The following PPP4R2 variants were observed in gnomAD, a reference collection of about 807,000 sequenced individuals.
PPP4R2 encodes serine/threonine-protein phosphatase 4 regulatory subunit 2.
Under a neutral mutation model 47.2 loss-of-function variants are expected in PPP4R2, and 13 were observed. The ratio of observed to expected loss-of-function variants is 0.28; its 90% confidence interval spans 0.18 to 0.44. The LOEUF (loss-of-function observed/expected upper bound fraction) is 0.44. Ranked by LOEUF, PPP4R2 falls within the 20% of genes least tolerant of loss-of-function variation. PPP4R2 has a pLI of 1.00. For missense variants in PPP4R2, 421 were observed against 491.2 expected (o/e 0.86, Z 1.35); for synonymous variants, 151 against 163.3 (o/e 0.92, Z 0.57).
intron 2 of PPP4R2, among the ~76,000 whole-genome samples, chr3:73,033,571 A>G (rs1355222497): frequency 1.3e-5 from 2 of 152,224 alleles, no homozygotes; most frequent in Non-Finnish European, 2.9e-5. Context: ...CCGTTGCTAA[A>G]TGTACAGTTC....
chr3:72,999,508 T>A (rs1015130322), intron 2 of PPP4R2, among the ~76,000 whole-genome samples: 2 of 152,242 alleles, frequency 1.3e-5, no homozygotes, highest in South Asian at 2.1e-4. Context: ...TTTTTTGATA[T>A]ACAAGATGAT....
chr3:73,046,188 C>T lies in PPP4R2; in HGVS notation c.117-998C>T, dbSNP rs574678782. On this transcript the variant is annotated intron_variant, in intron 2 of 8. Transcript: ENST00000356692. ...CAGTTTTATCCACCTTGCTTTTATA[C>T]CATCAGTGCACACATTAACAGTGAA... Among the ~76,000 whole-genome samples the T allele has an allele frequency of 5.9e-5, 9 of 152,300 alleles. 1 individual carries two copies. Among genetic ancestry groups the T allele is most frequent in the African/African-American group, 2.2e-4 (9 of 41,558 alleles).
intron 2 of PPP4R2, among the ~76,000 whole-genome samples, chr3:73,020,139 A>C (rs954674364): frequency 3.9e-5 from 6 of 152,286 alleles, no homozygotes; most frequent in Non-Finnish European, 7.3e-5. Flanking sequence ...GCAGTCTAAG[A>C]TAAGTGTGCC....
rs192539214 is a variant in PPP4R2 at position 73,006,345 on chromosome 3, C to T, written c.116+8187C>T. Among the ~76,000 whole-genome samples the T allele has an allele frequency of 2.8e-3, 432 of 151,804 alleles. 10 individuals carry two copies. Among genetic ancestry groups the T allele is most frequent in the Non-Finnish European group, 7.1e-4 (48 of 67,948 alleles). ...TCCCTGGTAGCTGGGGCCACAGGCG[C>T]GCGCCACCATGCCTGGCTAGTTTTT... On this transcript the variant is annotated intron_variant, in intron 2 of 8. Coordinates refer to ENST00000356692, the MANE Select transcript of PPP4R2 (RefSeq NM_174907.4).
rs1238442322 is a variant in PPP4R2, at chr3:73,016,734, TTTTTATTA to T, written c.116+18581_116+18588del. Among the ~76,000 whole-genome samples the T allele has an allele frequency of 7.3e-4, 95 of 129,694 alleles. 12 individuals are homozygous for T. Among genetic ancestry groups the T allele is most frequent in the African/African-American group, 2.7e-3 (94 of 34,624 alleles). 85.1% of individuals were successfully genotyped at this position (129,694 alleles called of 152,430 possible). Reference sequence around the variant, plus strand: ...ACTAGCTTTATTGGTTCATTGTTTATTTTTATTATTTTTTTTTTTTAATACAGAGTCTC... The same window carrying T: ...ACTAGCTTTATTGGTTCATTGTTTATTTTTTTTTTTTTAATACAGAGTCTC... On this transcript the variant is annotated intron_variant, in intron 2 of 8. Coordinates refer to ENST00000356692, the MANE Select transcript of PPP4R2 (RefSeq NM_174907.4).
chr3:73,062,344 T>C (rs1053511673), intron 5 of PPP4R2: 2 of 1,607,342 alleles, frequency 1.2e-6, no homozygotes, highest in Non-Finnish European at 1.7e-6. Flanking sequence ...CAGTATCCAC[T>C]GGATGCATTG....
intron 2 of PPP4R2, among the ~76,000 whole-genome samples, chr3:73,041,508 C>CT (rs1217659727): frequency 6.6e-6 from 1 of 152,134 alleles, no homozygotes; most frequent in Admixed American, 6.5e-5. Flanking sequence ...AAATATCTGC[C>CT]TTTTAAACAT....
At chr3:73,005,115 G>A (rs1452705652) in intron 2 of PPP4R2, among the ~76,000 whole-genome samples, 1 of 151,964 alleles carries the variant, frequency 6.6e-6, no homozygotes, top group East Asian at 1.9e-4. Flanking sequence ...GCTAATTTTT[G>A]TATGTTTAGT....
At chr3:73,005,389 A>G (rs1406167070) in intron 2 of PPP4R2, among the ~76,000 whole-genome samples, 2 of 150,934 alleles carry the variant, frequency 1.3e-5, no homozygotes, top group Non-Finnish European at 2.9e-5. Flanking sequence ...TAGTCTTTCA[A>G]TATGAATTTT....
intron 5 of PPP4R2, chr3:73,062,958 T>G: frequency 1.4e-6 from 2 of 1,437,156 alleles, no homozygotes; most frequent in South Asian, 1.2e-5. Flanking sequence ...TCTAGATCAG[T>G]GCATGGATGG....
intron 2 of PPP4R2, among the ~76,000 whole-genome samples, chr3:73,009,455 A>G (rs892268305): frequency 2.6e-5 from 4 of 152,218 alleles, no homozygotes; most frequent in African/African-American, 7.2e-5. Flanking sequence ...AATATCTGTT[A>G]GTTTTACCTG....
At chr3:73,056,664 A>G (rs1245215742) in intron 3 of PPP4R2, among the ~76,000 whole-genome samples, 1 of 152,162 alleles carries the variant, frequency 6.6e-6, no homozygotes, top group East Asian at 1.9e-4. Context: ...AAGAACTTAA[A>G]CTCGTTTTAT....
At chr3:73,054,474 T>G (rs1334150988) in intron 3 of PPP4R2, among the ~76,000 whole-genome samples, 1 of 152,212 alleles carries the variant, frequency 6.6e-6, no homozygotes, top group Non-Finnish European at 1.5e-5. Flanking sequence ...GTAACAGAGA[T>G]ATTGTTAGTT....
chr3:73,006,190 A>ATT lies in PPP4R2; in HGVS notation c.116+8058_116+8059dup, dbSNP rs71624000. Among the ~76,000 whole-genome samples, 212 of 124,128 alleles carry ATT rather than the reference A, an allele frequency of 1.7e-3. 8 individuals carry two copies. Among genetic ancestry groups the ATT allele is most frequent in the African/African-American group, 4.6e-3 (145 of 31,862 alleles). 81.4% of individuals were successfully genotyped at this position (124,128 alleles called of 152,430 possible). On this transcript the variant is annotated intron_variant, in intron 2 of 8. Coordinates refer to ENST00000356692, the MANE Select transcript of PPP4R2 (RefSeq NM_174907.4). Reference sequence around the variant, plus strand: ...AGATGCATCGTATGAATATGCCACAATTTTTTTTTTTTTTTTTTTTTTTTT... The same window carrying ATT: ...AGATGCATCGTATGAATATGCCACAATTTTTTTTTTTTTTTTTTTTTTTTTTT...
At chr3:73,015,628 A>G (rs900142302) in intron 2 of PPP4R2, among the ~76,000 whole-genome samples, 1 of 146,238 alleles carries the variant, frequency 6.8e-6, no homozygotes, top group East Asian at 2.0e-4. Context: ...GGCGTGTGCC[A>G]CCATGCCCAG....
At chr3:73,045,894 C>T (rs924387030) in intron 2 of PPP4R2, among the ~76,000 whole-genome samples, 15 of 152,168 alleles carry the variant, frequency 9.9e-5, no homozygotes, top group African/African-American at 3.6e-4. Context: ...CAGCTGGCAG[C>T]GGTCTAAATA....
chr3:73,035,516 A>G (rs1279810365), intron 2 of PPP4R2, among the ~76,000 whole-genome samples: 2 of 152,220 alleles, frequency 1.3e-5, no homozygotes, highest in African/African-American at 4.8e-5. Context: ...CAGTGTAGAG[A>G]TTCCTCAGAA....
chr3:73,044,747 A>G (rs912671002), intron 2 of PPP4R2, among the ~76,000 whole-genome samples: 1 of 152,154 alleles, frequency 6.6e-6, no homozygotes, highest in African/African-American at 2.4e-5. Context: ...TGCTATTTGT[A>G]TATCTTCTTT....
At position 73,068,689 on chromosome 3, in the gene PPP4R2, T is replaced by A. The variant is rs1341824927; in HGVS notation, c.*2967T>A. The A allele has an allele frequency of 1.3e-5, 2 of 152,238 alleles. No homozygotes were observed. Among genetic ancestry groups the A allele is most frequent in the Non-Finnish European group, 2.9e-5 (2 of 68,036 alleles). The allele number at this position is 152,238 out of a possible 1,614,324, so 9.4% of individuals were successfully genotyped here. ...TTCAGAGTATTTTGTTTTGCCGGTGTAGATAGGCATGTATTTATGCATTTT... is the reference window on the plus strand; with the variant it reads ...TTCAGAGTATTTTGTTTTGCCGGTGAAGATAGGCATGTATTTATGCATTTT... On this transcript the variant is annotated 3_prime_UTR_variant, in exon 9 of 9. Coordinates refer to ENST00000356692, the MANE Select transcript of PPP4R2 (RefSeq NM_174907.4).
Sources: allele counts gnomAD v4.1 joint callset (sites outside exome capture counted in the v4.1 genomes callset), GRCh38; gene constraint gnomAD v4.1.1; transcripts MANE v1.5; gene names NCBI Gene and HGNC (gene_info 2026-07-23, HGNC 2026-07-21).